Variants in OOSP3 observed in about 807,000 individuals in gnomAD.
OOSP3 encodes the protein oocyte secreted protein family member 3.
intron 2 of OOSP3, among the ~76,000 whole-genome samples, chr11:59,892,700 TAA>T (rs538688800): frequency 1.4e-5 from 2 of 143,724 alleles, no homozygotes; most frequent in Non-Finnish European, 1.5e-5. Context: ...TCAGGAAAAG[TAA>T]AAAAAAAAAA....
At chr11:59,878,952 G>A (rs921178060) in intron 1 of OOSP3, 71 bp downstream of exon 1, 1 of 397,820 alleles carries the variant, frequency 2.5e-6, no homozygotes, top group Non-Finnish European at 4.4e-6. Context: ...TTTACTGTTT[G>A]CTGTTTTGAG....
At chr11:59,882,711 A>G (rs1853215878) in intron 2 of OOSP3, among the ~76,000 whole-genome samples, 1 of 152,198 alleles carries the variant, frequency 6.6e-6, no homozygotes, top group East Asian at 1.9e-4. Context: ...ACAAAGTTGT[A>G]CAACTATCAC....
chr11:59,884,475 G>GTCTGTCTCTC (rs1293196028), intron 2 of OOSP3, among the ~76,000 whole-genome samples: 6 of 113,834 alleles, frequency 5.3e-5, no homozygotes, highest in African/African-American at 1.8e-4. Flanking sequence ...CTGTCTGTCT[G>GTCTGTCTCTC]TCTCTCTCTC....
At chr11:59,881,419 T>C (rs1853200404) in intron 2 of OOSP3, among the ~76,000 whole-genome samples, 1 of 151,916 alleles carries the variant, frequency 6.6e-6, no homozygotes, top group Non-Finnish European at 1.5e-5. Flanking sequence ...TAGAAGTTAA[T>C]GATAAAATCT....
intron 2 of OOSP3, among the ~76,000 whole-genome samples, chr11:59,887,080 C>T (rs1297470314): frequency 6.6e-6 from 1 of 151,816 alleles, no homozygotes; most frequent in Admixed American, 6.6e-5. Flanking sequence ...CAGGCATGAG[C>T]CACCACACCC....
intron 2 of OOSP3, among the ~76,000 whole-genome samples, chr11:59,884,471 G>C (rs868068749): frequency 1.2e-4 from 12 of 100,094 alleles, no homozygotes; most frequent in African/African-American, 5.4e-4. Context: ...CTGTCTGTCT[G>C]TCTGTCTCTC....
intron 2 of OOSP3, among the ~76,000 whole-genome samples, chr11:59,893,847 TTGTTATTTTATTTCCACACATATTAAC>T (rs1247078863): frequency 3.9e-5 from 6 of 152,358 alleles, no homozygotes; most frequent in Non-Finnish European, 8.8e-5. Context: ...GATTACAATC[TTGTTATTTTATTTCCACACATATTAAC>T]TGATTGCACT....
intron 2 of OOSP3, among the ~76,000 whole-genome samples, chr11:59,884,709 G>A (rs527436103): frequency 1.3e-5 from 2 of 152,134 alleles, no homozygotes; most frequent in South Asian, 4.2e-4. Flanking sequence ...TCATCATGTT[G>A]GGCAGGCTGG....
rs532887129 is a variant in OOSP3, at chr11:59,881,428, C to T, written c.252+989C>T. Reference sequence around the variant, plus strand: ...GCTCAATAGAAGTTAATGATAAAATCTCCTGTATCTTTTGTTTTTCTCTGG... The same window carrying T: ...GCTCAATAGAAGTTAATGATAAAATTTCCTGTATCTTTTGTTTTTCTCTGG... On this transcript the variant is annotated intron_variant, in intron 2 of 4. Transcript: ENST00000646438. Among the ~76,000 whole-genome samples, 7 of 151,516 alleles carry T rather than the reference C, an allele frequency of 4.6e-5. No homozygotes were observed. In the South Asian group the frequency reaches 1.5e-3, roughly 32 times the overall value.
chr11:59,879,134 C>T (rs952694100), intron 1 of OOSP3, among the ~76,000 whole-genome samples: 2 of 152,076 alleles, frequency 1.3e-5, no homozygotes, highest in East Asian at 1.9e-4. Context: ...TGTTTTGTCA[C>T]CCTATTCACC....
chr11:59,882,272 T>G (rs1285081783), intron 2 of OOSP3, among the ~76,000 whole-genome samples: 1 of 151,998 alleles, frequency 6.6e-6, no homozygotes, highest in East Asian at 1.9e-4. Context: ...AGATTTTTTT[T>G]TTTCCCCCCT....
At chr11:59,888,792 C>T (rs999394579) in intron 2 of OOSP3, among the ~76,000 whole-genome samples, 1 of 152,154 alleles carries the variant, frequency 6.6e-6, no homozygotes, top group Non-Finnish European at 1.5e-5. Context: ...GGTTTGGTAT[C>T]AGAATGATGC....
At chr11:59,885,133 G>T (rs1422427815) in intron 2 of OOSP3, among the ~76,000 whole-genome samples, 2 of 152,068 alleles carry the variant, frequency 1.3e-5, no homozygotes, top group African/African-American at 4.8e-5. Context: ...ATGATCATAT[G>T]GGTTTTGCCC....
At chr11:59,884,197 C>G (rs937169261) in intron 2 of OOSP3, among the ~76,000 whole-genome samples, 2 of 152,100 alleles carry the variant, frequency 1.3e-5, no homozygotes, top group African/African-American at 4.8e-5. Context: ...ACACATGTTC[C>G]GGAAGTGAAA....
chr11:59,880,086 C>T (rs1333681241), intron 1 of OOSP3, among the ~76,000 whole-genome samples, 175 bp from the exon 2 acceptor site: 2 of 152,170 alleles, frequency 1.3e-5, no homozygotes, highest in African/African-American at 4.8e-5. Context: ...TTGAATGGGA[C>T]TGATCCTTCA....
intron 2 of OOSP3, among the ~76,000 whole-genome samples, chr11:59,889,916 G>A (rs1853295443): frequency 6.6e-6 from 1 of 152,184 alleles, no homozygotes; most frequent in African/African-American, 2.4e-5. Context: ...GGGGGTCTAA[G>A]TCTCTTTGTA....
At chr11:59,892,996 G>A (rs1216277870) in intron 2 of OOSP3, among the ~76,000 whole-genome samples, 3 of 152,192 alleles carry the variant, frequency 2.0e-5, no homozygotes, top group Admixed American at 2.0e-4. Context: ...ATGAAGAAGT[G>A]GATTTTTTGG....
intron 2 of OOSP3, among the ~76,000 whole-genome samples, chr11:59,891,237 G>A (rs551215926): frequency 5.9e-5 from 9 of 152,144 alleles, no homozygotes; most frequent in Non-Finnish European, 1.0e-4. Context: ...TTAGCTCAGC[G>A]AAGTTCATTA....
At chr11:59,879,611 T>A (rs959201473) in intron 1 of OOSP3, among the ~76,000 whole-genome samples, 1 of 152,176 alleles carries the variant, frequency 6.6e-6, no homozygotes, top group Non-Finnish European at 1.5e-5. Flanking sequence ...GGTAGTAGAA[T>A]TAATAGACAC....
Sources: allele counts gnomAD v4.1 joint callset (sites outside exome capture counted in the v4.1 genomes callset), GRCh38; gene constraint gnomAD v4.1.1; transcripts MANE v1.5; gene names NCBI Gene and HGNC (gene_info 2026-07-23, HGNC 2026-07-21).